The following FAM169A variants were observed in gnomAD, a reference collection of about 807,000 sequenced individuals.
FAM169A encodes the protein family with sequence similarity 169 member A, also known as soluble lamin-associated protein of 75 kDa.
In FAM169A, 24 loss-of-function variants were observed where a neutral mutation model predicts 75.7. The ratio of observed to expected loss-of-function variants is 0.32; its 90% CI spans 0.23 to 0.45. The LOEUF (loss-of-function observed/expected upper bound fraction) is 0.45, where lower values mean the gene tolerates loss of function less well. FAM169A is among the 20% of genes least tolerant of loss of function. The probability of loss-of-function intolerance (pLI) is 1.00; values close to 1 mark genes in which losing one functional copy is unlikely to be tolerated. For missense variants in FAM169A, 673 were observed against 784.0 expected (o/e 0.86, Z 1.69); for synonymous variants, 271 against 271.0 (o/e 1.00, Z 0.00).
chr5:74,845,163 T>C (rs1157051900), intron 1 of FAM169A, among the ~76,000 whole-genome samples: 1 of 152,144 alleles, frequency 6.6e-6, no homozygotes, highest in Non-Finnish European at 1.5e-5. Context: ...TTTCAAGATA[T>C]GATGATGATA....
chr5:74,852,316 T>A (rs1749486227), intron 1 of FAM169A, among the ~76,000 whole-genome samples: 1 of 152,192 alleles, frequency 6.6e-6, no homozygotes, highest in Admixed American at 6.5e-5. Context: ...CTTGGAGCTA[T>A]GGCCTCATTA....
chr5:74,864,645 T>C (rs981254494), intron 1 of FAM169A, among the ~76,000 whole-genome samples: 28 of 152,236 alleles, frequency 1.8e-4, no homozygotes, highest in Admixed American at 8.5e-4. Flanking sequence ...CCTTAATTTA[T>C]GGTCACTCAT....
At chr5:74,795,812 C>G (rs1746242835) in intron 11 of FAM169A, among the ~76,000 whole-genome samples, 1 of 152,170 alleles carries the variant, frequency 6.6e-6, no homozygotes, top group Admixed American at 6.5e-5. Flanking sequence ...ATAATTCAAA[C>G]TTTTATAAGC....
chr5:74,796,219 T>C, intron 10 of FAM169A, 33 bp from the exon 11 acceptor site: 1 of 1,573,672 alleles, frequency 6.4e-7, no homozygotes, highest in Non-Finnish European at 8.6e-7. Context: ...TCTGACTTGT[T>C]TTATTAAGGA....
intron 10 of FAM169A, chr5:74,799,101 G>A: frequency 1.0e-6 from 1 of 983,194 alleles, no homozygotes. Context: ...ACATCTATAA[G>A]AAGAATGGGC....
intron 1 of FAM169A, among the ~76,000 whole-genome samples, chr5:74,849,938 T>C (rs1749354046): frequency 6.6e-6 from 1 of 152,188 alleles, no homozygotes; most frequent in Non-Finnish European, 1.5e-5. Context: ...TAATTATGTA[T>C]GGGTTAGGAC....
chr5:74,824,022 AG>A (rs1372677361), intron 5 of FAM169A, among the ~76,000 whole-genome samples: 1 of 152,182 alleles, frequency 6.6e-6, no homozygotes, highest in African/African-American at 2.4e-5. Flanking sequence ...CCCTAGTAAA[AG>A]GTCTGGAAGC....
rs1209310847 is a variant in FAM169A at position 74,782,023 on chromosome 5, C to A, written c.1465-15G>T. On this transcript the variant is annotated splice_polypyrimidine_tract_variant and intron_variant, in intron 12 of 12. Coordinates refer to ENST00000687041, the MANE Select transcript of FAM169A (RefSeq NM_001376049.1). The stretch of plus-strand genomic sequence containing the variant: ...ATACGTGGGGTCTGAAAATTAAAAA[C>A]CTGGTCAACAAATAAACTTGTACTA... 1.3e-6 allele frequency: 2 copies of A among 1,582,942 alleles called. No homozygotes were observed. Among genetic ancestry groups the A allele is most frequent in the East Asian group, 2.2e-5 (1 of 44,472 alleles).
chr5:74,850,122 T>C (rs1222269942), intron 1 of FAM169A, among the ~76,000 whole-genome samples: 3 of 152,226 alleles, frequency 2.0e-5, no homozygotes, highest in Admixed American at 1.3e-4. Context: ...GATGTAACTT[T>C]TATCTAAAAC....
At chr5:74,827,110 T>C (rs773196932) in intron 5 of FAM169A, among the ~76,000 whole-genome samples, 8 of 152,220 alleles carry the variant, frequency 5.3e-5, no homozygotes, top group Admixed American at 1.3e-4. Context: ...GGATACATGA[T>C]GTTGATATGT....
chr5:74,817,660 G>C (rs569897413), intron 5 of FAM169A, among the ~76,000 whole-genome samples: 1 of 152,156 alleles, frequency 6.6e-6, no homozygotes, highest in African/African-American at 2.4e-5. Context: ...AAATTGTCAA[G>C]TTCATCCCAA....
intron 1 of FAM169A, among the ~76,000 whole-genome samples, chr5:74,854,357 T>C (rs2314939): frequency 0.36 from 54,295 of 151,868 alleles, 12,919 homozygotes; most frequent in African/African-American, 0.68. Flanking sequence ...ACTGCACCAC[T>C]GCACTCCAGC....
intron 1 of FAM169A, among the ~76,000 whole-genome samples, chr5:74,864,719 T>C (rs1468389992): frequency 6.6e-6 from 1 of 152,230 alleles, no homozygotes; most frequent in African/African-American, 2.4e-5. Context: ...ATCCCCATCA[T>C]TAACTTAGAG....
At chr5:74,866,072 T>A in intron 1 of FAM169A, 93 bp downstream of exon 1, 1 of 634,014 alleles carries the variant, frequency 1.6e-6, no homozygotes, top group South Asian at 6.9e-5. Context: ...CCGCTCGGTG[T>A]CCGCGGGTCT....
rs1296791784 is a variant in FAM169A at position 74,783,116 on chromosome 5, T to C, written c.1279A>G (p.Met427Val). ...GAATCGTCCATTATCTCACCATTCA[T>C]AGGCTCTAATTCAGATTCCTACACC... ...DGEKESELEP[M>V]NGEIMDDSLK... is the part of the protein sequence containing the mutation. Residue 427 changes from methionine (M) to valine (V), a missense_variant, in exon 12 of 13, where the codon ATG (methionine) becomes GTG (valine). Physicochemically the swap from Met to Val is conservative, Grantham distance 21. Around this residue, in one of 3 missense-constraint regions of FAM169A, gnomAD observed 510 missense variants for 550.9 expected, o/e 0.93. Coordinates refer to ENST00000687041, the MANE Select transcript of FAM169A (RefSeq NM_001376049.1). 2.5e-6 allele frequency: 4 copies of C among 1,612,758 alleles called. No homozygotes were observed. In the South Asian group the frequency reaches 3.3e-5, roughly 13 times the overall value.
chr5:74,799,993 A>G, intron 10 of FAM169A: 1 of 785,976 alleles, frequency 1.3e-6, no homozygotes, highest in Non-Finnish European at 2.3e-6. Flanking sequence ...TCTATTTATG[A>G]GGTGGATGAG....
chr5:74,841,582 G>C lies in FAM169A; in HGVS notation c.95C>G (p.Pro32Arg). 6.2e-7 allele frequency: 1 copy of C among 1,612,992 alleles called. No homozygotes were observed. Among genetic ancestry groups the C allele is most frequent in the Non-Finnish European group, 8.5e-7 (1 of 1,179,312 alleles). The change falls in exon 2 of 13, where the codon CCT becomes CGT. Residue 32 changes from proline (P) to arginine (R), a missense_variant. Pro to Arg is a moderately radical substitution (Grantham distance 103). Transcript: ENST00000687041. Reference protein sequence around the residue: ...DYMSDLRCGDPENPECFSLLN... With the variant: ...DYMSDLRCGDRENPECFSLLN... Reference sequence around the variant, plus strand: ...AAGAGAAAAACACTCTGGATTTTCAGGGTCCCCACACCTTAAATCTGACAT... The same window carrying C: ...AAGAGAAAAACACTCTGGATTTTCACGGTCCCCACACCTTAAATCTGACAT...
chr5:74,823,649 C>G (rs987533211), intron 5 of FAM169A, among the ~76,000 whole-genome samples: 2 of 152,110 alleles, frequency 1.3e-5, no homozygotes, highest in Non-Finnish European at 2.9e-5. Flanking sequence ...TAAACAGAAC[C>G]CTTATTGGCA....
In FAM169A at chr5:74,795,828, C is replaced by CTT. The variant is rs560914601; in HGVS notation, c.1260+200_1260+201dup. Among the ~76,000 whole-genome samples, 21 of 152,252 alleles carry CTT rather than the reference C, an allele frequency of 1.4e-4. No homozygotes were observed. In the East Asian group the frequency reaches 2.7e-3, roughly 20 times the overall value. On this transcript the variant is annotated intron_variant, in intron 11 of 12. Transcript: ENST00000687041. ...TAATTCAAACTTTTATAAGCTCAAA[C>CTT]TTTTATAAACACAATCATATTTGTA...
Sources: allele counts gnomAD v4.1 joint callset (sites outside exome capture counted in the v4.1 genomes callset), GRCh38; gene constraint gnomAD v4.1.1; regional missense constraint gnomAD v4.1.1; transcripts MANE v1.5; gene names NCBI Gene and HGNC (gene_info 2026-07-23, HGNC 2026-07-21).